The following PCCA variants were observed in gnomAD, a reference collection of about 807,000 sequenced individuals.
PCCA encodes the protein propionyl-CoA carboxylase alpha chain, mitochondrial.
In PCCA, 74 loss-of-function variants were observed where a neutral mutation model predicts 101.3. That is an observed-to-expected ratio of 0.73 (90% CI 0.61 to 0.89). The LOEUF (loss-of-function observed/expected upper bound fraction) is 0.89. Ranked by LOEUF, PCCA falls within the 40% of genes least tolerant of loss-of-function variation. The pLI is 0.00. For synonymous variants in PCCA, 294 were observed against 313.6 expected (o/e 0.94, Z 0.66); for missense variants, 891 against 907.0 (o/e 0.98, Z 0.23).
At chr13:100,129,325 A>C (rs1035060025) in intron 4 of PCCA, among the ~76,000 whole-genome samples, 2 of 152,198 alleles carry the variant, frequency 1.3e-5, no homozygotes, top group Non-Finnish European at 2.9e-5. Flanking sequence ...AGTTTATCTA[A>C]TGTGAACTGT....
intron 19 of PCCA, among the ~76,000 whole-genome samples, chr13:100,397,348 C>T (rs2077097133): frequency 6.6e-6 from 1 of 152,080 alleles, no homozygotes; most frequent in South Asian, 2.1e-4. Context: ...TGGTTAGTAA[C>T]GTCTCCATTG....
intron 8 of PCCA, among the ~76,000 whole-genome samples, chr13:100,248,616 A>T (rs1034489476): frequency 6.6e-6 from 1 of 152,112 alleles, no homozygotes; most frequent in African/African-American, 2.4e-5. Flanking sequence ...TGTCTCTTCA[A>T]ATCTTTTGTT....
At chr13:100,268,880 C>G (rs1016348197) in intron 11 of PCCA, 97 bp downstream of exon 11, 16 of 884,142 alleles carry the variant, frequency 1.8e-5, no homozygotes, top group Non-Finnish European at 2.8e-5. Flanking sequence ...CATTCAGAGA[C>G]AGGGTCTCAC....
intron 1 of PCCA, among the ~76,000 whole-genome samples, chr13:100,092,517 G>A (rs1234762880): frequency 6.6e-6 from 1 of 151,884 alleles, no homozygotes; most frequent in Non-Finnish European, 1.5e-5. Context: ...CAAGTAGGTG[G>A]GACCACAGGC....
intron 20 of PCCA, among the ~76,000 whole-genome samples, chr13:100,446,310 A>C (rs1007415104): frequency 6.6e-6 from 1 of 152,096 alleles, no homozygotes; most frequent in Non-Finnish European, 1.5e-5. Context: ...GATTACAGGC[A>C]TGAGCCACCG....
chr13:100,449,119 C>A, intron 20 of PCCA, 133 bp from the exon 21 acceptor site: 1 of 555,990 alleles, frequency 1.8e-6, no homozygotes, highest in Non-Finnish European at 3.2e-6. Context: ...AATAATATTC[C>A]ACTGTATGGC....
At chr13:100,272,295 G>A (rs566649210) in intron 11 of PCCA, among the ~76,000 whole-genome samples, 89 of 152,242 alleles carry the variant, frequency 5.8e-4, no homozygotes, top group African/African-American at 2.1e-3. Context: ...GGGAAATACA[G>A]GGTTAGGTTC....
Position 100,287,803 on chromosome 13 carries a change from T to C in PCCA, c.1066-13657T>C, listed in dbSNP as rs181449992. On this transcript the variant is annotated intron_variant, in intron 12 of 23. Transcript: ENST00000376285. ...GAGTTCTTTATTTTGATTTGTTTTATATAAAGTTAGGGGGTTTTTTTAATC... is the reference window on the plus strand; with the variant it reads ...GAGTTCTTTATTTTGATTTGTTTTACATAAAGTTAGGGGGTTTTTTTAATC... 1.7e-3 allele frequency among the ~76,000 whole-genome samples: 136 copies of C among 79,234 alleles called. 1 individual carries two copies. The Admixed American group carries it at 0.022, about 13-fold the overall frequency. 52.0% of individuals were successfully genotyped at this position (79,234 alleles called of 152,430 possible). A position where few individuals can be genotyped will look rare whatever the true frequency, so the allele number is the denominator to read the frequency against.
intron 21 of PCCA, among the ~76,000 whole-genome samples, chr13:100,506,432 T>C (rs537302316): frequency 6.6e-6 from 1 of 152,308 alleles, no homozygotes; most frequent in East Asian, 1.9e-4. Context: ...TTCAGTTTTC[T>C]TGGCCGACGG....
intron 10 of PCCA, among the ~76,000 whole-genome samples, chr13:100,264,783 TG>T (rs2062822656): frequency 6.6e-6 from 1 of 152,202 alleles, no homozygotes; most frequent in Non-Finnish European, 1.5e-5. Context: ...GTACTCTGGT[TG>T]TGCTAATGTA....
intron 7 of PCCA, among the ~76,000 whole-genome samples, chr13:100,210,117 G>A (rs556599858): frequency 5.9e-5 from 9 of 152,000 alleles, no homozygotes; most frequent in African/African-American, 2.2e-4. Flanking sequence ...AGCTAGGACT[G>A]CAGACACACA....
At chr13:100,522,025 C>T (rs973601004) in intron 22 of PCCA, among the ~76,000 whole-genome samples, 11 of 152,214 alleles carry the variant, frequency 7.2e-5, no homozygotes, top group African/African-American at 2.7e-4. Context: ...CAGCTGCACG[C>T]AGTGATTTGG....
At position 100,112,062 on chromosome 13, in the gene PCCA, G is replaced by GT. The variant is rs2048370100; in HGVS notation, c.300+2dup. 5 of 1,607,452 alleles carry GT rather than the reference G, an allele frequency of 3.1e-6. No homozygotes were observed. Among genetic ancestry groups the GT allele is most frequent in the Non-Finnish European group, 4.3e-6 (5 of 1,175,780 alleles). ...CCACAGTGATGTTGATGCTAGTTCT[G>GT]TAAGTATATTTTTGCTTTGTTTAAA... On this transcript the variant is annotated splice_donor_variant, in intron 4 of 23. Coordinates refer to ENST00000376285, the MANE Select transcript of PCCA (RefSeq NM_000282.4). LOFTEE classifies it high-confidence loss of function.
rs116409301 is a variant in PCCA at position 100,509,339 on chromosome 13, G to A, written c.1900-6088G>A. Among the ~76,000 whole-genome samples, 893 of 152,248 alleles carry A rather than the reference G, an allele frequency of 5.9e-3. 9 individuals carry two copies. The highest frequency in any genetic ancestry group is 0.02 in the African/African-American group (815 of 41,546). On this transcript the variant is annotated intron_variant, in intron 21 of 23. Transcript: ENST00000376285. Reference sequence around the variant, plus strand: ...GTCCACAGCACTAATCTGCGCCTCAGTGTTGCCTTGCTAGTGAGAAAACGT... The same window carrying A: ...GTCCACAGCACTAATCTGCGCCTCAATGTTGCCTTGCTAGTGAGAAAACGT...
Position 100,348,819 on chromosome 13 carries a change from T to TTCCTTCCTTCCTTCCTTCCTTCCTTC in PCCA, c.1643+8560_1643+8561insTCCTTCCTTCCTTCCTTCCTTCCTTC, listed in dbSNP as rs1258776476. ...TCCTTCCTTCCTTCCTTCCTTCCTT[T>TTCCTTCCTTCCTTCCTTCCTTCCTTC]CTTTCTTTTCTCTCTCTTTTTCTCT... On this transcript the variant is annotated intron_variant, in intron 18 of 23. Transcript: ENST00000376285. Among the ~76,000 whole-genome samples, 24 of 53,476 alleles carry TTCCTTCCTTCCTTCCTTCCTTCCTTC rather than the reference T, an allele frequency of 4.5e-4. 1 individual carries two copies. Among genetic ancestry groups the TTCCTTCCTTCCTTCCTTCCTTCCTTC allele is most frequent in the Non-Finnish European group, 6.6e-4 (17 of 25,844 alleles). 35.1% of individuals were successfully genotyped at this position (53,476 alleles called of 152,430 possible).
At position 100,150,531 on chromosome 13, in the gene PCCA, G is replaced by C. The variant is rs1308104770; in HGVS notation, c.301-4448G>C. On this transcript the variant is annotated intron_variant, in intron 4 of 23. Transcript: ENST00000376285. ...GTATTGCGCCTTCTCCAAGCTCCCC[G>C]GCGAGAACCACCAATAGTGTGGTGG... 5.2e-6 allele frequency: 7 copies of C among 1,336,790 alleles called. No individual in the cohort carries two copies. In the African/African-American group the frequency reaches 8.7e-5, roughly 17 times the overall value. 82.8% of individuals were successfully genotyped at this position (1,336,790 alleles called of 1,614,324 possible).
At chr13:100,268,440 C>T (rs1363720327) in intron 10 of PCCA, 4 of 525,322 alleles carry the variant, frequency 7.6e-6, no homozygotes, top group South Asian at 2.0e-5. Flanking sequence ...ATGTTTTACT[C>T]GTTGTATTTG....
At chr13:100,133,071 G>T (rs1158576526) in intron 4 of PCCA, among the ~76,000 whole-genome samples, 2 of 152,118 alleles carry the variant, frequency 1.3e-5, no homozygotes, top group East Asian at 3.8e-4. Context: ...GAGCCACCAT[G>T]CCCGGCCTCA....
intron 20 of PCCA, among the ~76,000 whole-genome samples, chr13:100,432,979 T>C (rs1053306216): frequency 2.6e-5 from 4 of 152,222 alleles, no homozygotes; most frequent in African/African-American, 9.6e-5. Flanking sequence ...TGTCTTTCCT[T>C]TTTATGGCTG....
Sources: allele counts gnomAD v4.1 joint callset (sites outside exome capture counted in the v4.1 genomes callset), GRCh38; gene constraint gnomAD v4.1.1; transcripts MANE v1.5; gene names NCBI Gene and HGNC (gene_info 2026-07-23, HGNC 2026-07-21).